The following HIP1 variants were observed in gnomAD, a reference collection of about 807,000 sequenced individuals.
HIP1 encodes huntingtin-interacting protein 1.
HIP1 carries 65 observed loss-of-function variants against 147.6 expected under a neutral mutation model. The observed-to-expected ratio is 0.44, with a 90% CI of 0.36 to 0.54. The LOEUF is 0.54. Among genes scored for constraint, HIP1 ranks in the 20% least tolerant of loss-of-function variants. The pLI is 0.00. For missense variants in HIP1, 1,061 were observed against 1,299.6 expected, an observed-to-expected ratio of 0.82 and a Z score of 2.82; for synonymous variants, 479 against 504.0, an observed-to-expected ratio of 0.95 and a Z score of 0.67.
At chr7:75,607,294 A>T (rs1584872373) in intron 1 of HIP1, among the ~76,000 whole-genome samples, 2 of 137,004 alleles carry the variant, frequency 1.5e-5, no homozygotes, top group African/African-American at 5.8e-5. Context: ...CAGTGGTGTG[A>T]TCTCAGCTCA....
chr7:75,643,104 C>T (rs369708787), intron 1 of HIP1, among the ~76,000 whole-genome samples: 1 of 152,146 alleles, frequency 6.6e-6, no homozygotes, highest in South Asian at 2.1e-4. Flanking sequence ...GCAGCCTAGC[C>T]CTAAAGACCA....
At chr7:75,639,562 CGTGTGTGTGT>C (rs57827695) in intron 1 of HIP1, among the ~76,000 whole-genome samples, 35 of 137,470 alleles carry the variant, frequency 2.5e-4, no homozygotes, top group East Asian at 1.8e-3. Flanking sequence ...CGCCAGGAAG[CGTGTGTGTGT>C]GTGTGTGTGT....
chr7:75,668,708 ACTGCAGCAT>A (rs1243619525), intron 1 of HIP1, among the ~76,000 whole-genome samples: 1 of 152,124 alleles, frequency 6.6e-6, no homozygotes, highest in Admixed American at 6.6e-5. Flanking sequence ...CGCTGGACCA[ACTGCAGCAT>A]CTGCAACATC....
intron 1 of HIP1, among the ~76,000 whole-genome samples, chr7:75,672,325 C>T (rs967108790): frequency 9.7e-5 from 14 of 144,868 alleles, no homozygotes; most frequent in African/African-American, 3.0e-4. Flanking sequence ...TTTTTACATT[C>T]TTTTTTTTTT....
chr7:75,612,882 T>C (rs1447475891), intron 1 of HIP1, among the ~76,000 whole-genome samples: 3 of 152,004 alleles, frequency 2.0e-5, no homozygotes, highest in African/African-American at 7.2e-5. Context: ...GGCAGGCAGA[T>C]CACTTGAGGC....
chr7:75,559,715 C>G lies in HIP1; in HGVS notation c.1375+17G>C. Reference sequence around the variant, plus strand: ...GCCTGCCCCCGGGGCCCGCCCCCGCCCCCACCCACCGCTCACTTTCTATCT... The same window carrying G: ...GCCTGCCCCCGGGGCCCGCCCCCGCGCCCACCCACCGCTCACTTTCTATCT... On this transcript the variant is annotated intron_variant, in intron 14 of 30. Coordinates refer to ENST00000336926, the MANE Select transcript of HIP1 (RefSeq NM_005338.7). 2 of 1,207,616 alleles carry G rather than the reference C, an allele frequency of 1.7e-6. No homozygotes were observed. Among genetic ancestry groups the G allele is most frequent in the South Asian group, 1.5e-5 (1 of 68,348 alleles). The allele number at this position is 1,207,616 out of a possible 1,614,324, so 74.8% of individuals were successfully genotyped here. A position where few individuals can be genotyped will look rare whatever the true frequency, so the allele number is the denominator to read the frequency against.
chr7:75,615,389 T>C (rs1797618676), intron 1 of HIP1, among the ~76,000 whole-genome samples: 1 of 151,874 alleles, frequency 6.6e-6, no homozygotes, highest in Admixed American at 6.6e-5. Flanking sequence ...ACCCCATCTC[T>C]ACAAAAAATG....
intron 1 of HIP1, among the ~76,000 whole-genome samples, chr7:75,608,238 C>T (rs57982873): frequency 0.054 from 8,159 of 151,710 alleles, 602 homozygotes; most frequent in East Asian, 0.24. Context: ...ACCCGGGAGG[C>T]GGAGAACGCT....
chr7:75,726,324 C>T (rs1477242113), intron 1 of HIP1, among the ~76,000 whole-genome samples: 15 of 150,846 alleles, frequency 9.9e-5, no homozygotes, highest in Admixed American at 8.6e-4. Context: ...CGCTCTGTCT[C>T]CCAGACTGGA....
chr7:75,650,976 C>T (rs1233094406), intron 1 of HIP1, among the ~76,000 whole-genome samples: 2 of 152,122 alleles, frequency 1.3e-5, no homozygotes, highest in East Asian at 1.9e-4. Flanking sequence ...AAAACACAGC[C>T]CTCTCCCCAC....
intron 1 of HIP1, among the ~76,000 whole-genome samples, chr7:75,623,396 T>C (rs1179620): frequency 0.45 from 68,652 of 151,788 alleles, 15,809 homozygotes; most frequent in African/African-American, 0.53. Flanking sequence ...GACATAATAA[T>C]GCATTTGCAT....
intron 25 of HIP1, among the ~76,000 whole-genome samples, chr7:75,546,525 G>A (rs782766291): frequency 6.6e-6 from 1 of 152,240 alleles, no homozygotes; most frequent in Non-Finnish European, 1.5e-5. Context: ...ATAAGAGGCT[G>A]ACAGCAGAGT....
intron 1 of HIP1, among the ~76,000 whole-genome samples, chr7:75,738,550 G>C (rs781927117): frequency 6.6e-5 from 10 of 152,016 alleles, no homozygotes; most frequent in Non-Finnish European, 1.3e-4. Flanking sequence ...AGCCGATCAG[G>C]CTCCTCTTGG....
chr7:75,690,984 C>CA (rs1554518088), intron 1 of HIP1, among the ~76,000 whole-genome samples: 2 of 152,140 alleles, frequency 1.3e-5, no homozygotes, highest in Admixed American at 6.5e-5. Context: ...TTCACAGTAG[C>CA]ACTATTCACA....
chr7:75,606,586 A>AG (rs1554503856), intron 1 of HIP1, among the ~76,000 whole-genome samples: 1 of 152,020 alleles, frequency 6.6e-6, no homozygotes, highest in African/African-American at 2.4e-5. Context: ...AAAAAAAAAA[A>AG]AGATGATGCA....
intron 1 of HIP1, among the ~76,000 whole-genome samples, chr7:75,653,780 C>T (rs1158100544): frequency 6.6e-6 from 1 of 152,094 alleles, no homozygotes; most frequent in Non-Finnish European, 1.5e-5. Flanking sequence ...GTTCTTGGAC[C>T]ACTGAGTGAT....
chr7:75,579,865 C>T (rs1563217546), intron 7 of HIP1, among the ~76,000 whole-genome samples: 1 of 152,168 alleles, frequency 6.6e-6, no homozygotes, highest in Non-Finnish European at 1.5e-5. Context: ...GTATGGAGAC[C>T]TGCAATGTGG....
chr7:75,592,142 G>C, intron 3 of HIP1, 30 bp from the exon 4 acceptor site: 1 of 1,598,436 alleles, frequency 6.3e-7, no homozygotes, highest in Non-Finnish European at 8.6e-7. Context: ...GCCTGTGAGA[G>C]AATGGAGAAG....
chr7:75,610,936 C>A (rs1315334136), intron 1 of HIP1, among the ~76,000 whole-genome samples: 1 of 149,346 alleles, frequency 6.7e-6, no homozygotes, highest in Non-Finnish European at 1.5e-5. Flanking sequence ...GAGTTTCACT[C>A]CATTTGTCTC....
Sources: gnomAD v4.1 joint callset for allele counts (sites outside exome capture counted in the v4.1 genomes callset) on GRCh38, gnomAD v4.1.1 for gene constraint, MANE v1.5 for transcripts, NCBI Gene and HGNC (gene_info 2026-07-23, HGNC 2026-07-21) for gene names.